The following FARS2 variants were observed in gnomAD, a reference collection of about 807,000 sequenced individuals.
FARS2 encodes phenylalanyl-tRNA synthetase 2, mitochondrial.
In FARS2, 40 loss-of-function variants were observed where a neutral mutation model predicts 46.4. The observed-to-expected ratio is 0.86, with a 90% CI of 0.67 to 1.12. The LOEUF is 1.12. FARS2 is among the 50% of genes most tolerant of loss of function. The pLI, the probability that FARS2 is intolerant of heterozygous loss-of-function variation, is 0.00. For synonymous variants in FARS2, 234 were observed against 214.9 expected (o/e 1.09, Z -0.78); for missense variants, 513 against 567.9 (o/e 0.90, Z 0.98).
intron 4 of FARS2, among the ~76,000 whole-genome samples, chr6:5,467,753 A>G (rs1765591928): frequency 1.3e-5 from 2 of 152,200 alleles, no homozygotes; most frequent in Non-Finnish European, 2.9e-5. Context: ...GTTTCCTATC[A>G]GTAAAATAAA....
intron 6 of FARS2, among the ~76,000 whole-genome samples, chr6:5,668,991 C>T (rs1421442367): frequency 6.6e-6 from 1 of 152,102 alleles, no homozygotes; most frequent in Non-Finnish European, 1.5e-5. Context: ...CCACCACACC[C>T]AGCCCACGTT....
At chr6:5,738,420 TG>T (rs1241571319) in intron 6 of FARS2, among the ~76,000 whole-genome samples, 1 of 152,242 alleles carries the variant, frequency 6.6e-6, no homozygotes, top group Non-Finnish European at 1.5e-5. Context: ...GTTCTTTCAG[TG>T]TACATTACTA....
At chr6:5,383,819 T>C (rs1001237429) in intron 2 of FARS2, among the ~76,000 whole-genome samples, 3 of 152,128 alleles carry the variant, frequency 2.0e-5, no homozygotes, top group Non-Finnish European at 4.4e-5. Context: ...GTTGACTGAT[T>C]AGTAATGTGT....
At chr6:5,536,167 T>G (rs1228493216) in intron 4 of FARS2, among the ~76,000 whole-genome samples, 1 of 150,214 alleles carries the variant, frequency 6.7e-6, no homozygotes. Context: ...TTCTCCTGCC[T>G]CAGCCTCCCA....
chr6:5,662,386 C>T (rs1000432014), intron 6 of FARS2, among the ~76,000 whole-genome samples: 58 of 152,190 alleles, frequency 3.8e-4, no homozygotes, highest in Non-Finnish European at 3.4e-4. Flanking sequence ...CTCAAGGCAC[C>T]TCTGTGCTAT....
At chr6:5,650,574 G>A (rs1197275219) in intron 6 of FARS2, among the ~76,000 whole-genome samples, 1 of 152,096 alleles carries the variant, frequency 6.6e-6, no homozygotes, top group African/African-American at 2.4e-5. Flanking sequence ...TCCCCCTCCT[G>A]GGTTCACGCC....
At chr6:5,720,624 A>T (rs1759829068) in intron 6 of FARS2, among the ~76,000 whole-genome samples, 1 of 152,228 alleles carries the variant, frequency 6.6e-6, no homozygotes, top group African/African-American at 2.4e-5. Context: ...CAAGATTATT[A>T]AATTTAAATA....
At chr6:5,632,580 T>C (rs1776343417) in intron 6 of FARS2, among the ~76,000 whole-genome samples, 2 of 148,768 alleles carry the variant, frequency 1.3e-5, no homozygotes, top group African/African-American at 5.0e-5. Context: ...CCTTCCTCCT[T>C]CCCCCTTCCC....
intron 5 of FARS2, among the ~76,000 whole-genome samples, chr6:5,563,601 G>A (rs1165717299): frequency 6.6e-6 from 1 of 152,102 alleles, no homozygotes; most frequent in African/African-American, 2.4e-5. Context: ...GCTGAAAAGG[G>A]GTTTCGAATG....
intron 1 of FARS2, among the ~76,000 whole-genome samples, chr6:5,310,671 G>A (rs1326071416): frequency 6.6e-6 from 1 of 152,198 alleles, no homozygotes; most frequent in Non-Finnish European, 1.5e-5. Flanking sequence ...ATGTTAGTGA[G>A]ACATCATTTT....
At chr6:5,268,091 A>G (rs1231747947) in intron 1 of FARS2, among the ~76,000 whole-genome samples, 2 of 152,040 alleles carry the variant, frequency 1.3e-5, no homozygotes, top group African/African-American at 4.8e-5. Flanking sequence ...TTCTTTGTAG[A>G]TTCTGGATAT....
intron 6 of FARS2, among the ~76,000 whole-genome samples, chr6:5,667,777 A>G (rs980207828): frequency 6.6e-6 from 1 of 152,214 alleles, no homozygotes; most frequent in African/African-American, 2.4e-5. Flanking sequence ...ATGCAAAGGT[A>G]TTAGCAACAG....
chr6:5,522,254 C>A (rs1014430574), intron 4 of FARS2, among the ~76,000 whole-genome samples: 3 of 152,204 alleles, frequency 2.0e-5, no homozygotes, highest in African/African-American at 4.8e-5. Flanking sequence ...AAGCCCAGAC[C>A]TGGAAGGGGC....
At chr6:5,691,684 C>T (rs187121959) in intron 6 of FARS2, among the ~76,000 whole-genome samples, 239 of 152,314 alleles carry the variant, frequency 1.6e-3, no homozygotes, top group Middle Eastern at 6.8e-3. Context: ...TCTCCAGCTG[C>T]GTGCTGGGAG....
rs369410021 is a variant in FARS2, at chr6:5,520,210, T to A, written c.905-24970T>A. On this transcript the variant is annotated intron_variant, in intron 4 of 6. Transcript: ENST00000274680. The stretch of plus-strand genomic sequence containing the variant: ...TGGGTTCATGTGGGGTTGATTTTTT[T>A]AAATTTAATAATGTTATTATTTCTA... Among the ~76,000 whole-genome samples the A allele has an allele frequency of 3.9e-5, 6 of 152,292 alleles. 2 individuals carry two copies. Among genetic ancestry groups the A allele is most frequent in the African/African-American group, 1.4e-4 (6 of 41,550 alleles).
chr6:5,314,731 T>C (rs1296646397), intron 1 of FARS2, among the ~76,000 whole-genome samples: 1 of 152,210 alleles, frequency 6.6e-6, no homozygotes, highest in Non-Finnish European at 1.5e-5. Context: ...CTCGTCGATA[T>C]GGGGTTACCA....
At chr6:5,447,489 A>G (rs1046860166) in intron 4 of FARS2, among the ~76,000 whole-genome samples, 2 of 152,214 alleles carry the variant, frequency 1.3e-5, no homozygotes, top group African/African-American at 2.4e-5. Context: ...AGCTGCCTAA[A>G]TCATAATCAC....
At chr6:5,609,718 G>C (rs1775063975) in intron 5 of FARS2, 1 of 1,484,146 alleles carries the variant, frequency 6.7e-7, no homozygotes, top group Non-Finnish European at 9.3e-7. Flanking sequence ...TATCCACGGA[G>C]TCATGGTCGT....
intron 6 of FARS2, among the ~76,000 whole-genome samples, chr6:5,707,548 G>C (rs544999554): frequency 6.6e-6 from 1 of 152,194 alleles, no homozygotes; most frequent in Non-Finnish European, 1.5e-5. Flanking sequence ...GCTCAAGTCT[G>C]TATGGGTCTA....
Sources: allele counts gnomAD v4.1 joint callset (sites outside exome capture counted in the v4.1 genomes callset), GRCh38; gene constraint gnomAD v4.1.1; transcripts MANE v1.5; gene names NCBI Gene and HGNC (gene_info 2026-07-23, HGNC 2026-07-21).